The following FRYL variants were observed in gnomAD, a reference collection of about 807,000 sequenced individuals.
The protein encoded by FRYL is protein furry homolog-like.
A neutral mutation model predicts 351.2 loss-of-function variants in FRYL; 150 were observed. The observed-to-expected ratio is 0.43, with a 90% CI of 0.37 to 0.49. The LOEUF is 0.49. FRYL is among the 20% of genes least tolerant of loss of function. The pLI is 0.00. For synonymous variants in FRYL, 1,153 were observed against 1,257.1 expected (o/e 0.92, Z 1.75); for missense variants, 3,036 against 3,619.3 (o/e 0.84, Z 4.13).
rs532761015 is a variant in FRYL at position 48,510,196 on chromosome 4, G to T, written c.8296-39C>A. The T allele has an allele frequency of 4.1e-6, 6 of 1,451,218 alleles. No homozygotes were observed. In the African/African-American group the frequency reaches 7.0e-5, roughly 17 times the overall value. The allele number at this position is 1,451,218 out of a possible 1,614,324, so 89.9% of individuals were successfully genotyped here. ...AGTATTGATCCAGGTTACCATTTCT[G>T]ATTGAAATCATGAGACTCACAAAAT... On this transcript the variant is annotated intron_variant, in intron 58 of 63. Transcript: ENST00000358350.
At chr4:48,649,323 G>A (rs1203543661) in intron 3 of FRYL, among the ~76,000 whole-genome samples, 5 of 152,070 alleles carry the variant, frequency 3.3e-5, no homozygotes, top group Non-Finnish European at 7.4e-5. Flanking sequence ...TGCAAATACA[G>A]TTTCTTAACA....
intron 59 of FRYL, among the ~76,000 whole-genome samples, chr4:48,507,669 C>T (rs549349240): frequency 1.7e-3 from 256 of 151,856 alleles, no homozygotes; most frequent in African/African-American, 5.9e-3. Flanking sequence ...AGTTTATGCC[C>T]TACAGTTTCA....
chr4:48,774,183 G>A (rs2109429040), intron 1 of FRYL, among the ~76,000 whole-genome samples: 1 of 152,158 alleles, frequency 6.6e-6, no homozygotes. Flanking sequence ...AATTAATTGA[G>A]GTTATGGTAT....
At chr4:48,605,923 AT>A in intron 10 of FRYL, 90 bp from the exon 11 acceptor site, 1 of 782,192 alleles carries the variant, frequency 1.3e-6, no homozygotes, top group Non-Finnish European at 2.1e-6. Flanking sequence ...ACACTCTGTC[AT>A]TTTACCAAAA....
chr4:48,764,538 AAG>A (rs1260425685), intron 1 of FRYL, among the ~76,000 whole-genome samples: 12 of 131,956 alleles, frequency 9.1e-5, no homozygotes, highest in Admixed American at 2.3e-4. Flanking sequence ...TTCAAAAAAA[AAG>A]AAAAGAAAAG....
chr4:48,729,156 G>A (rs763201823), intron 1 of FRYL, among the ~76,000 whole-genome samples: 4 of 152,260 alleles, frequency 2.6e-5, no homozygotes, highest in Non-Finnish European at 5.9e-5. Context: ...GGACGTGGGA[G>A]TTTGCTGAGG....
At position 48,723,997 on chromosome 4, in the gene FRYL, ACACACCTGTAATCC is replaced by A. The variant is rs1181733389; in HGVS notation, c.-383-13313_-383-13300del. Among the ~76,000 whole-genome samples, 6 of 150,978 alleles carry A rather than the reference ACACACCTGTAATCC, an allele frequency of 4.0e-5. No homozygotes were observed. In the South Asian group the frequency reaches 1.3e-3, roughly 32 times the overall value. ...AAAAAAATTAGGTGGGTGTGGTGGC[ACACACCTGTAATCC>A]CAGCTACTTGGGAGGTTGAGACAGG... On this transcript the variant is annotated intron_variant, in intron 1 of 63. Coordinates refer to ENST00000358350, the MANE Select transcript of FRYL (RefSeq NM_015030.2).
rs1718721248 is a variant in FRYL, at chr4:48,497,653, G to A, written c.*1769C>T. 1 of 152,580 alleles carries A rather than the reference G, an allele frequency of 6.6e-6. No homozygotes were observed. Among genetic ancestry groups the A allele is most frequent in the Non-Finnish European group, 1.5e-5 (1 of 68,016 alleles). 9.5% of individuals were successfully genotyped at this position (152,580 alleles called of 1,614,324 possible). ...GACAGTAAGATAGGATGTAAAGTGT[G>A]ATGTATCTCTGGACACCATCCCTCT... On this transcript the variant is annotated 3_prime_UTR_variant, in exon 64 of 64. Coordinates refer to ENST00000358350, the MANE Select transcript of FRYL (RefSeq NM_015030.2).
At chr4:48,671,873 CAAA>C (rs71191252) in intron 3 of FRYL, among the ~76,000 whole-genome samples, 15 of 51,856 alleles carry the variant, frequency 2.9e-4, no homozygotes, top group South Asian at 2.3e-3. Context: ...AAAAAAAAAA[CAAA>C]AAAAAAAAAA....
chr4:48,537,054 A>T (rs1729049963), intron 47 of FRYL, among the ~76,000 whole-genome samples: 1 of 152,222 alleles, frequency 6.6e-6, no homozygotes, highest in African/African-American at 2.4e-5. Context: ...AGAAAAAGAA[A>T]AAATGGGTTG....
intron 47 of FRYL, among the ~76,000 whole-genome samples, chr4:48,538,743 A>G (rs1269487100): frequency 9.3e-5 from 14 of 150,600 alleles, no homozygotes; most frequent in Non-Finnish European, 1.5e-5. Context: ...CTGGTGCTTT[A>G]GCCAAGTTCT....
Position 48,537,341 on chromosome 4 carries a change from C to G in FRYL, c.6394-1514G>C, listed in dbSNP as rs192111895. Among the ~76,000 whole-genome samples, 64 of 152,070 alleles carry G rather than the reference C, an allele frequency of 4.2e-4. 1 individual carries two copies. Among genetic ancestry groups the G allele is most frequent in the Non-Finnish European group, 7.9e-4 (54 of 67,984 alleles). ...TTTAATTTTGGAATTTTTGAAATGC[C>G]AGGTTAAAATACGATCCAAAAAGAG... On this transcript the variant is annotated intron_variant, in intron 47 of 63. Transcript: ENST00000358350.
At chr4:48,758,015 G>A (rs1773980080) in intron 1 of FRYL, among the ~76,000 whole-genome samples, 1 of 152,128 alleles carries the variant, frequency 6.6e-6, no homozygotes, top group Non-Finnish European at 1.5e-5. Flanking sequence ...AATGGTGCTG[G>A]GAAAACTGGC....
intron 3 of FRYL, among the ~76,000 whole-genome samples, chr4:48,644,502 A>G (rs1755990222): frequency 6.6e-6 from 1 of 150,784 alleles, no homozygotes; most frequent in Non-Finnish European, 1.5e-5. Flanking sequence ...AATTGTAAAA[A>G]AAAAAAAAAA....
In FRYL at chr4:48,610,785, G is replaced by A. The variant is rs572700253; in HGVS notation, c.412-962C>T. Among the ~76,000 whole-genome samples, 13 of 142,426 alleles carry A rather than the reference G, an allele frequency of 9.1e-5. No individual in the cohort carries two copies. In the East Asian group the frequency reaches 2.6e-3, roughly 29 times the overall value. The allele number at this position is 142,426 out of a possible 152,430, so 93.4% of individuals were successfully genotyped here. A position where few individuals can be genotyped will look rare whatever the true frequency, so the allele number is the denominator to read the frequency against. On this transcript the variant is annotated intron_variant, in intron 7 of 63. Transcript: ENST00000358350. Reference sequence around the variant, plus strand: ...ATATTATATATATGTTCAATATATTGTATATATTGAAATATGTATATATGT... The same window carrying A: ...ATATTATATATATGTTCAATATATTATATATATTGAAATATGTATATATGT...
chr4:48,535,614 CAT>C lies in FRYL; in HGVS notation c.6564+41_6564+42del, dbSNP rs56352864. On this transcript the variant is annotated intron_variant, in intron 48 of 63. Transcript: ENST00000358350. Reference sequence around the variant, plus strand: ...ACACACACACACACACACACACACACATATATATATAGTAAATAAGAAAATAT... The same window carrying C: ...ACACACACACACACACACACACACACATATATATAGTAAATAAGAAAATAT... 5,735 of 980,366 alleles carry C rather than the reference CAT, an allele frequency of 5.8e-3. 585 individuals are homozygous for C. Among genetic ancestry groups the C allele is most frequent in the Non-Finnish European group, 7.0e-3 (4,728 of 679,588 alleles). The allele number at this position is 980,366 out of a possible 1,614,324, so 60.7% of individuals were successfully genotyped here.
In FRYL at chr4:48,702,447, C is replaced by T. The variant is rs183011642; in HGVS notation, c.-204+8072G>A. 4.3e-3 allele frequency among the ~76,000 whole-genome samples: 387 copies of T among 89,370 alleles called. 3 individuals are homozygous for T. Among genetic ancestry groups the T allele is most frequent in the African/African-American group, 0.016 (359 of 22,018 alleles). 58.6% of individuals were successfully genotyped at this position (89,370 alleles called of 152,430 possible). A position where few individuals can be genotyped will look rare whatever the true frequency, so the allele number is the denominator to read the frequency against. Reference sequence around the variant, plus strand: ...CTCCAGCCTGGGTGACAGGGTGAGACTCTGTCTCAAAAAAAAAAAAAAAAA... The same window carrying T: ...CTCCAGCCTGGGTGACAGGGTGAGATTCTGTCTCAAAAAAAAAAAAAAAAA... On this transcript the variant is annotated intron_variant, in intron 2 of 63. Coordinates refer to ENST00000358350, the MANE Select transcript of FRYL (RefSeq NM_015030.2).
chr4:48,638,667 T>C (rs1225230788), intron 3 of FRYL: 2 of 152,204 alleles, frequency 1.3e-5, no homozygotes, highest in Non-Finnish European at 2.9e-5. Flanking sequence ...CATATGTTTA[T>C]TGTGGCACTG....
At chr4:48,734,463 T>C (rs1242486818) in intron 1 of FRYL, among the ~76,000 whole-genome samples, 2 of 152,212 alleles carry the variant, frequency 1.3e-5, no homozygotes, top group East Asian at 1.9e-4. Context: ...ATTAGAGTTG[T>C]AGACTTCAAC....
Sources: allele counts gnomAD v4.1 joint callset (sites outside exome capture counted in the v4.1 genomes callset), GRCh38; gene constraint gnomAD v4.1.1; transcripts MANE v1.5; gene names NCBI Gene and HGNC (gene_info 2026-07-23, HGNC 2026-07-21).